Variants in ZFAT observed in about 807,000 individuals in gnomAD.
ZFAT encodes the protein zinc finger protein ZFAT.
Under a neutral mutation model 117.7 loss-of-function variants are expected in ZFAT, and 64 were observed. That is an observed-to-expected ratio of 0.54 (90% CI 0.44 to 0.67). ZFAT has a LOEUF of 0.67. ZFAT is among the 30% of genes least tolerant of loss of function. ZFAT has a pLI of 0.00. For synonymous variants in ZFAT, 679 were observed against 615.0 expected (o/e 1.10, Z -1.54); for missense variants, 1,433 against 1,584.5 (o/e 0.90, Z 1.62).
At chr8:134,830,502 T>C in the ZFAT span, among the ~76,000 whole-genome samples, 1 of 152,222 alleles carries the variant, frequency 6.6e-6, no homozygotes, top group East Asian at 1.9e-4. Context: ...CAAAGATACA[T>C]AATCAACAGA....
the ZFAT span, among the ~76,000 whole-genome samples, chr8:134,826,067 T>C: frequency 6.6e-6 from 1 of 151,230 alleles, no homozygotes; most frequent in Non-Finnish European, 1.5e-5. Context: ...AGTAACAATA[T>C]GTCATTACAA....
In ZFAT at chr8:134,691,482, CT is replaced by C. The variant is rs1214729624; in HGVS notation, c.19+21362del. ...GGGCGATAAAAGACAAACGAGAACT[CT>C]GGCCACAGGGCAGCTTGTTCTGGCC... On this transcript the variant is annotated intron_variant, in intron 1 of 15. Transcript: ENST00000377838. Among the ~76,000 whole-genome samples, 8 of 152,364 alleles carry C rather than the reference CT, an allele frequency of 5.3e-5. No homozygotes were observed. The East Asian group carries it at 1.5e-3, about 29-fold the overall frequency.
chr8:134,511,911 T>A (rs1287777336), intron 14 of ZFAT, among the ~76,000 whole-genome samples: 1 of 152,180 alleles, frequency 6.6e-6, no homozygotes, highest in East Asian at 1.9e-4. Context: ...AGTGACCCCC[T>A]GCACGCCAGA....
intron 2 of ZFAT, among the ~76,000 whole-genome samples, chr8:134,655,718 C>A (rs1022027405): frequency 2.6e-5 from 4 of 152,156 alleles, no homozygotes; most frequent in Non-Finnish European, 5.9e-5. Context: ...AGAAGAGAAT[C>A]TTAATAAGCA....
intron 1 of ZFAT, among the ~76,000 whole-genome samples, chr8:134,665,926 A>G (rs2131239940): frequency 6.6e-6 from 1 of 152,284 alleles, no homozygotes; most frequent in South Asian, 2.1e-4. Flanking sequence ...TATTGTTGAC[A>G]TGGAGGGTCT....
At position 134,601,904 on chromosome 8, in the gene ZFAT, G is replaced by A. The variant is rs375945772; in HGVS notation, c.1815C>T (p.Ser605=). Residue 605 remains serine, a synonymous_variant, in exon 6 of 16, where the codon TCC becomes TCT. Coordinates refer to ENST00000377838, the MANE Select transcript of ZFAT (RefSeq NM_020863.4). ...DDFLLKNDTS[S]AEAHAAPEKP... ...TCTCAGGAGCAGCATGAGCCTCTGCGGAGGAGGTATCATTTTTCAACAAAA... is the reference window on the plus strand; with the variant it reads ...TCTCAGGAGCAGCATGAGCCTCTGCAGAGGAGGTATCATTTTTCAACAAAA... 181 of 1,614,004 alleles carry A rather than the reference G, an allele frequency of 1.1e-4. No homozygotes were observed. The highest frequency in any genetic ancestry group is 1.3e-4 in the Non-Finnish European group (154 of 1,179,954).
At chr8:134,546,736 T>A (rs1822726411) in intron 11 of ZFAT, among the ~76,000 whole-genome samples, 1 of 152,122 alleles carries the variant, frequency 6.6e-6, no homozygotes, top group Non-Finnish European at 1.5e-5. Flanking sequence ...GTTTCTGGAG[T>A]CAGACCTCAA....
intron 7 of ZFAT, chr8:134,594,934 G>A (rs1826811495): frequency 6.6e-6 from 1 of 152,226 alleles, no homozygotes; most frequent in Non-Finnish European, 1.5e-5. Context: ...TCTGCCAGAT[G>A]CTGCACTTCC....
chr8:134,660,631 T>C (rs1026087703), intron 1 of ZFAT, among the ~76,000 whole-genome samples: 2 of 152,230 alleles, frequency 1.3e-5, no homozygotes, highest in Non-Finnish European at 2.9e-5. Context: ...TCTCATGTAA[T>C]GTTTTTACTG....
chr8:134,517,899 G>C (rs980453505), intron 13 of ZFAT, among the ~76,000 whole-genome samples: 1 of 152,170 alleles, frequency 6.6e-6, no homozygotes, highest in Non-Finnish European at 1.5e-5. Context: ...TGATCACATG[G>C]TATCAGGTCA....
At chr8:134,497,800 C>T (rs2012640) in intron 15 of ZFAT, among the ~76,000 whole-genome samples, 2 of 117,326 alleles carry the variant, frequency 1.7e-5, no homozygotes, top group African/African-American at 3.2e-5. Context: ...GGGGTGGAGC[C>T]GGGATGCCCC....
intron 1 of ZFAT, among the ~76,000 whole-genome samples, chr8:134,706,457 C>T (rs1463699167): frequency 1.3e-5 from 2 of 152,142 alleles, no homozygotes; most frequent in Non-Finnish European, 2.9e-5. Context: ...TTTGGGAGAC[C>T]GAGGTGGGCA....
chr8:134,601,322 C>T (rs745735888), intron 6 of ZFAT, among the ~76,000 whole-genome samples, 155 bp downstream of exon 6: 75 of 152,166 alleles, frequency 4.9e-4, no homozygotes, highest in African/African-American at 1.3e-3. Flanking sequence ...CAAGCGCTAA[C>T]GGCCACACAG....
chr8:134,812,300 T>G, the ZFAT span, among the ~76,000 whole-genome samples: 3 of 152,360 alleles, frequency 2.0e-5, no homozygotes. Flanking sequence ...TTACTTCCTC[T>G]TAACAACTTA....
intron 11 of ZFAT, among the ~76,000 whole-genome samples, chr8:134,534,589 A>G (rs1471815305): frequency 6.8e-6 from 1 of 146,902 alleles, no homozygotes; most frequent in African/African-American, 2.6e-5. Context: ...GGAGAGAGAG[A>G]AGGGAGAGAG....
intron 10 of ZFAT, among the ~76,000 whole-genome samples, chr8:134,570,896 G>T (rs1824843913): frequency 6.6e-6 from 1 of 152,206 alleles, no homozygotes; most frequent in Non-Finnish European, 1.5e-5. Context: ...CTCTGTGGGT[G>T]AAACAAGTAA....
At chr8:134,541,954 C>G (rs549657658) in intron 11 of ZFAT, among the ~76,000 whole-genome samples, 1 of 152,350 alleles carries the variant, frequency 6.6e-6, no homozygotes, top group South Asian at 2.1e-4. Flanking sequence ...TCACCACCTT[C>G]TACTGGAGGT....
chr8:134,531,323 T>A (rs1479191267), intron 12 of ZFAT, among the ~76,000 whole-genome samples: 1 of 152,148 alleles, frequency 6.6e-6, no homozygotes, highest in East Asian at 1.9e-4. Context: ...CGAAAAAGAA[T>A]CCCTAACCTG....
Position 134,515,369 on chromosome 8 carries a change from C to T in ZFAT, c.3235-2768G>A, listed in dbSNP as rs992295440. 1.3e-5 allele frequency among the ~76,000 whole-genome samples: 2 copies of T among 152,296 alleles called. 1 individual carries two copies. On this transcript the variant is annotated intron_variant, in intron 13 of 15. Coordinates refer to ENST00000377838, the MANE Select transcript of ZFAT (RefSeq NM_020863.4). ...CAAATGGTATTTCTGGTTCTAGATC[C>T]TTGAGGAATCACCACACCGTCTTCC...
Sources: gnomAD v4.1 joint callset for allele counts (sites outside exome capture counted in the v4.1 genomes callset) on GRCh38, gnomAD v4.1.1 for gene constraint, MANE v1.5 for transcripts, NCBI Gene and HGNC (gene_info 2026-07-23, HGNC 2026-07-21) for gene names.